The following LINGO2 variants were observed in gnomAD, a reference collection of about 807,000 sequenced individuals.
LINGO2 encodes the protein leucine rich repeat and Ig domain containing 2, also known as leucine-rich repeat and immunoglobulin-like domain-containing nogo receptor-interacting protein 2.
A neutral mutation model predicts 30.6 loss-of-function variants in LINGO2; 14 were observed. The observed-to-expected ratio is 0.46, with a 90% CI of 0.30 to 0.72. The LOEUF (loss-of-function observed/expected upper bound fraction) is 0.72, where lower values mean the gene tolerates loss of function less well. Among genes scored for constraint, LINGO2 ranks in the 30% least tolerant of loss-of-function variants. LINGO2 has a pLI of 0.07. For missense variants in LINGO2, 729 were observed against 751.7 expected (o/e 0.97, Z 0.35); for synonymous variants, 317 against 288.5 (o/e 1.10, Z -1.00).
At chr9:28,203,514 A>T (rs887451657) in intron 4 of LINGO2, among the ~76,000 whole-genome samples, 2 of 152,164 alleles carry the variant, frequency 1.3e-5, no homozygotes, top group Admixed American at 6.5e-5. Context: ...TCATACTTGG[A>T]AGGATTCTGA....
the LINGO2 span, among the ~76,000 whole-genome samples, chr9:28,849,344 A>G: frequency 6.6e-6 from 1 of 151,980 alleles, no homozygotes; most frequent in Non-Finnish European, 1.5e-5. Flanking sequence ...ACCAGCTTGC[A>G]GTTCTGTATG....
At chr9:28,538,846 A>G (rs951747442) in intron 1 of LINGO2, among the ~76,000 whole-genome samples, 4 of 152,122 alleles carry the variant, frequency 2.6e-5, no homozygotes, top group Non-Finnish European at 5.9e-5. Context: ...TTTGTTTCCA[A>G]CCTATGAATT....
chr9:28,614,641 A>G (rs1826058025), intron 1 of LINGO2, among the ~76,000 whole-genome samples: 1 of 152,286 alleles, frequency 6.6e-6, no homozygotes, highest in East Asian at 1.9e-4. Flanking sequence ...AGAGAAATAT[A>G]TCGGTGAAAT....
intron 4 of LINGO2, among the ~76,000 whole-genome samples, chr9:28,241,267 CAAAAAA>C (rs1164724626): frequency 5.1e-4 from 43 of 83,592 alleles, no homozygotes; most frequent in African/African-American, 6.2e-4. Context: ...GACCCTGTCT[CAAAAAA>C]AAAAAAAAAA....
At chr9:29,099,646 T>G in the LINGO2 span, among the ~76,000 whole-genome samples, 1 of 152,168 alleles carries the variant, frequency 6.6e-6, no homozygotes, top group African/African-American at 2.4e-5. Context: ...CTCAACATCA[T>G]TGATCATCAG....
chr9:28,614,585 T>A (rs1316020252), intron 1 of LINGO2, among the ~76,000 whole-genome samples: 1 of 152,112 alleles, frequency 6.6e-6, no homozygotes, highest in African/African-American at 2.4e-5. Context: ...TAAAACTAAC[T>A]GTATAGGCTT....
chr9:28,769,947 C>T, the LINGO2 span, among the ~76,000 whole-genome samples: 1 of 152,014 alleles, frequency 6.6e-6, no homozygotes, highest in Non-Finnish European at 1.5e-5. Context: ...GCTCTCTCTC[C>T]TAACTTCACA....
the LINGO2 span, among the ~76,000 whole-genome samples, chr9:28,931,263 C>T: frequency 5.6e-4 from 85 of 152,258 alleles, no homozygotes; most frequent in African/African-American, 1.9e-3. Flanking sequence ...CAGCATTTAT[C>T]GGAGTTGGAG....
intron 3 of LINGO2, among the ~76,000 whole-genome samples, chr9:28,325,578 T>C (rs1432820263): frequency 6.6e-6 from 1 of 152,148 alleles, no homozygotes; most frequent in Non-Finnish European, 1.5e-5. Flanking sequence ...TGGAAGTGAA[T>C]AAGTCTCACA....
chr9:28,291,778 T>C (rs1823739701), intron 4 of LINGO2, among the ~76,000 whole-genome samples: 1 of 152,204 alleles, frequency 6.6e-6, no homozygotes, highest in African/African-American at 2.4e-5. Context: ...GCAGAATATT[T>C]ACTTGAGGAA....
chr9:28,072,089 TA>T (rs1259575578), intron 4 of LINGO2, among the ~76,000 whole-genome samples: 1 of 152,154 alleles, frequency 6.6e-6, no homozygotes, highest in African/African-American at 2.4e-5. Context: ...TCTATTCACT[TA>T]ACACAAAGCA....
intron 4 of LINGO2, among the ~76,000 whole-genome samples, chr9:28,058,890 G>C (rs1332124974): frequency 6.6e-6 from 1 of 152,042 alleles, no homozygotes; most frequent in Non-Finnish European, 1.5e-5. Context: ...TTTTTCTTAG[G>C]TATGAACACT....
intron 1 of LINGO2, among the ~76,000 whole-genome samples, chr9:28,476,531 T>A (rs964724259): frequency 1.3e-5 from 2 of 152,184 alleles, no homozygotes; most frequent in South Asian, 2.1e-4. Flanking sequence ...CGCCGCGGCC[T>A]CCCAAAGTGC....
intron 4 of LINGO2, among the ~76,000 whole-genome samples, chr9:28,059,276 G>T (rs1825064941): frequency 6.6e-6 from 1 of 152,074 alleles, no homozygotes; most frequent in East Asian, 1.9e-4. Context: ...CTCACCACCT[G>T]TTTCTTTGTT....
chr9:27,952,179 A>T (rs984401703), intron 5 of LINGO2, among the ~76,000 whole-genome samples: 18 of 151,976 alleles, frequency 1.2e-4, no homozygotes, highest in Non-Finnish European at 1.5e-4. Flanking sequence ...AATGTAATTT[A>T]AAAAAAATTT....
the LINGO2 span, among the ~76,000 whole-genome samples, chr9:28,945,872 C>T: frequency 4.6e-5 from 7 of 152,084 alleles, no homozygotes; most frequent in African/African-American, 1.7e-4. Context: ...ATAAAATGCT[C>T]ATTTTTAGGT....
intron 3 of LINGO2, among the ~76,000 whole-genome samples, chr9:28,368,234 T>G (rs567590148): frequency 2.0e-5 from 3 of 152,286 alleles, no homozygotes; most frequent in Admixed American, 2.0e-4. Flanking sequence ...CCCCTCTGTT[T>G]ATAGGAGTTT....
intron 1 of LINGO2, among the ~76,000 whole-genome samples, chr9:28,506,225 GGTACT>G (rs1438347716): frequency 1.4e-4 from 21 of 151,016 alleles, no homozygotes; most frequent in Admixed American, 4.0e-4. Flanking sequence ...AAATAACAAA[GGTACT>G]TTAGACAAGT....
chr9:28,224,078 T>A (rs1445129793), intron 4 of LINGO2, among the ~76,000 whole-genome samples: 1 of 152,204 alleles, frequency 6.6e-6, no homozygotes, highest in Non-Finnish European at 1.5e-5. Flanking sequence ...GAATTTTTTT[T>A]TTCTGAGACG....
Sources: allele counts gnomAD v4.1 joint callset (sites outside exome capture counted in the v4.1 genomes callset), GRCh38; gene constraint gnomAD v4.1.1; transcripts MANE v1.5; gene names NCBI Gene and HGNC (gene_info 2026-07-23, HGNC 2026-07-21).